CEP83: variants seen among roughly 807,000 people sequenced by gnomAD.
CEP83 encodes the protein centrosomal protein 83, also known as centrosomal protein of 83 kDa.
In CEP83, 70 loss-of-function variants were observed where a neutral mutation model predicts 101.9. The observed-to-expected ratio is 0.69, with a 90% CI of 0.57 to 0.84. The LOEUF (loss-of-function observed/expected upper bound fraction) is 0.84, where lower values mean the gene tolerates loss of function less well. CEP83 is among the 40% of genes least tolerant of loss of function. The pLI is 0.00. For missense variants in CEP83, 715 were observed against 787.2 expected, an observed-to-expected ratio of 0.91 and a Z score of 1.10; for synonymous variants, 264 against 267.9, an observed-to-expected ratio of 0.99 and a Z score of 0.14.
At chr12:94,392,634 A>G (rs1375627989) in intron 6 of CEP83, among the ~76,000 whole-genome samples, 1 of 152,356 alleles carries the variant, frequency 6.6e-6, no homozygotes, top group East Asian at 1.9e-4. Context: ...AGAAATAACT[A>G]AGATCAGAGC....
intron 13 of CEP83, 58 bp downstream of exon 13, chr12:94,333,424 A>C: frequency 7.0e-7 from 1 of 1,425,174 alleles, no homozygotes; most frequent in South Asian, 1.3e-5. Flanking sequence ...TTACTAAAAT[A>C]AGTACATGTT....
chr12:94,397,883 T>C lies in CEP83; in HGVS notation c.549+2967A>G, dbSNP rs568225285. On this transcript the variant is annotated intron_variant, in intron 6 of 16. Transcript: ENST00000397809. Reference sequence around the variant, plus strand: ...AACCCTTCATACCACATGTAGTGTATATATTACCAGCTATTTAACAAAATT... The same window carrying C: ...AACCCTTCATACCACATGTAGTGTACATATTACCAGCTATTTAACAAAATT... 2.0e-5 allele frequency among the ~76,000 whole-genome samples: 3 copies of C among 152,336 alleles called. No individual in the cohort carries two copies. In the East Asian group the frequency reaches 5.8e-4, roughly 29 times the overall value.
chr12:94,423,971 G>A, intron 2 of CEP83: 2 of 1,613,112 alleles, frequency 1.2e-6, no homozygotes, highest in Non-Finnish European at 1.7e-6. Flanking sequence ...CATGGAGGCA[G>A]GCTGGAGAGA....
intron 11 of CEP83, among the ~76,000 whole-genome samples, chr12:94,341,560 A>G (rs77749263): frequency 6.6e-6 from 1 of 151,676 alleles, no homozygotes; most frequent in Non-Finnish European, 1.5e-5. Flanking sequence ...AAAAAAAAAA[A>G]GCCATGCAAA....
At chr12:94,313,552 TG>T (rs961611871) in intron 14 of CEP83, among the ~76,000 whole-genome samples, 3 of 98,252 alleles carry the variant, frequency 3.1e-5, no homozygotes, top group Non-Finnish European at 6.4e-5. Flanking sequence ...AAAAAAAGGG[TG>T]GGGAGCCAGG....
intron 14 of CEP83, among the ~76,000 whole-genome samples, chr12:94,315,699 T>A (rs1294746799): frequency 6.6e-6 from 1 of 152,086 alleles, no homozygotes; most frequent in Non-Finnish European, 1.5e-5. Flanking sequence ...GCTTTATTTT[T>A]TTTTTTTACC....
At chr12:94,401,727 G>A (rs548706051) in intron 5 of CEP83, among the ~76,000 whole-genome samples, 1 of 152,000 alleles carries the variant, frequency 6.6e-6, no homozygotes, top group African/African-American at 2.4e-5. Flanking sequence ...CAAGAAAATG[G>A]GTTTCATTAT....
chr12:94,445,960 G>A (rs144367983), intron 1 of CEP83, among the ~76,000 whole-genome samples: 66 of 152,290 alleles, frequency 4.3e-4, no homozygotes, highest in African/African-American at 1.6e-3. Context: ...ACAAATTATT[G>A]TAAAATGAAA....
At chr12:94,438,412 A>T (rs2066158050) in intron 1 of CEP83, among the ~76,000 whole-genome samples, 1 of 152,206 alleles carries the variant, frequency 6.6e-6, no homozygotes, top group Admixed American at 6.5e-5. Flanking sequence ...TATCAGACAA[A>T]ACAAACTTTA....
chr12:94,437,981 C>T (rs1594064559), intron 1 of CEP83, among the ~76,000 whole-genome samples: 1 of 152,082 alleles, frequency 6.6e-6, no homozygotes, highest in Admixed American at 6.6e-5. Flanking sequence ...CTTTGGGAGG[C>T]CAAGGTGGGC....
the CEP83 span, among the ~76,000 whole-genome samples, chr12:94,270,535 C>T: frequency 1.3e-5 from 2 of 152,280 alleles, no homozygotes; most frequent in East Asian, 3.9e-4. Flanking sequence ...AAATGCCTTG[C>T]CACTATTTAC....
chr12:94,344,939 CA>C (rs2059861213), intron 11 of CEP83, among the ~76,000 whole-genome samples: 2 of 152,056 alleles, frequency 1.3e-5, no homozygotes, highest in Admixed American at 6.5e-5. Flanking sequence ...CTACAGTAAT[CA>C]AAATGGTATG....
At chr12:94,422,793 T>C (rs971066420) in intron 2 of CEP83, among the ~76,000 whole-genome samples, 3 of 152,256 alleles carry the variant, frequency 2.0e-5, no homozygotes, top group African/African-American at 4.8e-5. Context: ...AGTCTGTTCC[T>C]TTTTAAGGCT....
intron 1 of CEP83, among the ~76,000 whole-genome samples, chr12:94,442,458 C>T (rs2138401317): frequency 6.6e-6 from 1 of 152,244 alleles, no homozygotes; most frequent in Non-Finnish European, 1.5e-5. Flanking sequence ...TCAGAAATCA[C>T]CACTAAATAA....
intron 14 of CEP83, among the ~76,000 whole-genome samples, chr12:94,317,178 T>C (rs964508242): frequency 2.6e-5 from 4 of 152,182 alleles, no homozygotes; most frequent in African/African-American, 9.7e-5. Context: ...ATCAGTGACA[T>C]TGAGCTTTAT....
the CEP83 span, among the ~76,000 whole-genome samples, chr12:94,298,167 G>A: frequency 4.6e-5 from 7 of 152,156 alleles, no homozygotes; most frequent in Non-Finnish European, 7.4e-5. Context: ...CAGCCTATTT[G>A]GCTTTTGTGA....
At position 94,308,454 on chromosome 12, in the gene CEP83, C is replaced by T. The variant is rs1969308348; in HGVS notation, c.*359G>A. ...GTGTATGGACCCTGTTATGGCCAAG[C>T]ATCTCAAAGATGAAGAGAGAATTAA... On this transcript the variant is annotated 3_prime_UTR_variant, in exon 17 of 17. Transcript: ENST00000397809. The T allele has an allele frequency of 5.8e-6, 1 of 173,822 alleles. No homozygotes were observed. The highest frequency in any genetic ancestry group is 1.2e-5 in the Non-Finnish European group (1 of 82,104). The allele number at this position is 173,822 out of a possible 1,614,324, so 10.8% of individuals were successfully genotyped here.
chr12:94,395,543 G>A lies in CEP83; in HGVS notation c.549+5307C>T, dbSNP rs140324191. Among the ~76,000 whole-genome samples, 10 of 152,188 alleles carry A rather than the reference G, an allele frequency of 6.6e-5. No homozygotes were observed. The East Asian group carries it at 1.9e-3, about 29-fold the overall frequency. On this transcript the variant is annotated intron_variant, in intron 6 of 16. Transcript: ENST00000397809. ...CATACTTAAAGTTCATATTTTGGCT[G>A]GGTGTGGTGACTCGGGACGCCTGTA... is the stretch of plus-strand genomic sequence containing the variant.
chr12:94,331,162 G>A (rs2059181540), intron 14 of CEP83, among the ~76,000 whole-genome samples: 1 of 151,564 alleles, frequency 6.6e-6, no homozygotes, highest in Non-Finnish European at 1.5e-5. Context: ...GTGGTGGCAT[G>A]TGCCTATAAT....
Sources: allele counts gnomAD v4.1 joint callset (sites outside exome capture counted in the v4.1 genomes callset), GRCh38; gene constraint gnomAD v4.1.1; transcripts MANE v1.5; gene names NCBI Gene and HGNC (gene_info 2026-07-23, HGNC 2026-07-21).